GPR157: variants seen among roughly 807,000 people sequenced by gnomAD.
The protein encoded by GPR157 is G protein-coupled receptor 157.
Under a neutral mutation model 23.5 loss-of-function variants are expected in GPR157, and 16 were observed. That is an observed-to-expected ratio of 0.68 (90% CI 0.46 to 1.04). The LOEUF is 1.04. GPR157 is among the 50% of genes least tolerant of loss of function. The probability of loss-of-function intolerance (pLI) is 0.00; values close to 1 mark genes in which losing one functional copy is unlikely to be tolerated. For synonymous variants in GPR157, 200 were observed against 221.5 expected, an observed-to-expected ratio of 0.90 and a Z score of 0.86; for missense variants, 440 against 460.7, an observed-to-expected ratio of 0.96 and a Z score of 0.41.
chr1:9,125,529 C>G (rs905715513), intron 1 of GPR157, among the ~76,000 whole-genome samples: 1 of 152,194 alleles, frequency 6.6e-6, no homozygotes, highest in Non-Finnish European at 1.5e-5. Flanking sequence ...CGCAGGTGCT[C>G]TCCTGGGAAC....
chr1:9,122,346 A>C (rs991072694), intron 1 of GPR157, among the ~76,000 whole-genome samples: 8 of 152,162 alleles, frequency 5.3e-5, no homozygotes, highest in Non-Finnish European at 7.4e-5. Context: ...ACACAACCTT[A>C]AAAAAGCAAC....
rs373183983 is a variant in GPR157 at position 9,104,561 on chromosome 1, C to T, written c.866G>A (p.Arg289Gln). 1.6e-5 allele frequency: 26 copies of T among 1,613,588 alleles called. No homozygotes were observed. Among genetic ancestry groups the T allele is most frequent in the African/African-American group, 2.7e-5 (2 of 74,794 alleles). Reference protein sequence around the residue: ...FVLCTRAVRTRLFSLCCCCCS... With the variant: ...FVLCTRAVRTQLFSLCCCCCS... ...GCAGCAGCAACAGAGAGAGAAGAGC[C>T]GAGTTCGGACGGCGCGGGTGCAGAG... is the stretch of plus-strand genomic sequence containing the variant. The change falls in exon 4 of 4, where the codon CGG (arginine) becomes CAG (glutamine). Residue 289 changes from arginine (R) to glutamine (Q), a missense_variant. Physicochemically the swap from Arg to Gln is conservative, Grantham distance 43. Transcript: ENST00000377411.
At chr1:9,106,111 G>C (rs543737796) in intron 2 of GPR157, among the ~76,000 whole-genome samples, 1 of 152,198 alleles carries the variant, frequency 6.6e-6, no homozygotes, top group African/African-American at 2.4e-5. Flanking sequence ...ATGTTGCCCA[G>C]GCTGATCTCA....
chr1:9,118,429 G>C lies in GPR157; in HGVS notation c.384-6940C>G, dbSNP rs1381328827. ...AGGCCAAGCTGAGCCTGCCTGGACG[G>C]AGGAAGCCCGGGACAGCCACCTCGT... On this transcript the variant is annotated intron_variant, in intron 1 of 3. Transcript: ENST00000377411. This position sits in a 1 kb window ranked among gnomAD's most constrained non-coding sequence, Gnocchi z 4.6. Among the ~76,000 whole-genome samples the C allele has an allele frequency of 6.6e-6, 1 of 152,152 alleles. No homozygotes were observed. Among genetic ancestry groups the C allele is most frequent in the Non-Finnish European group, 1.5e-5 (1 of 68,032 alleles).
chr1:9,104,694 C>A, intron 3 of GPR157, 60 bp from the exon 4 acceptor site: 1 of 1,288,406 alleles, frequency 7.8e-7, no homozygotes. Flanking sequence ...AACACACGCG[C>A]TGTTGCAATT....
At chr1:9,107,080 A>G (rs1443666418) in intron 2 of GPR157, among the ~76,000 whole-genome samples, 1 of 152,184 alleles carries the variant, frequency 6.6e-6, no homozygotes, top group Non-Finnish European at 1.5e-5. Flanking sequence ...TCTCACCCTC[A>G]GTCCCACGAT....
chr1:9,125,135 T>A (rs1638937536), intron 1 of GPR157, among the ~76,000 whole-genome samples: 1 of 152,176 alleles, frequency 6.6e-6, no homozygotes, highest in South Asian at 2.1e-4. Flanking sequence ...CACAATACCT[T>A]ACTAGCTATG....
At chr1:9,114,040 G>T (rs1407055389) in intron 1 of GPR157, among the ~76,000 whole-genome samples, 1 of 144,478 alleles carries the variant, frequency 6.9e-6, no homozygotes, top group Admixed American at 6.9e-5. Flanking sequence ...CTCATGACAG[G>T]CCAGGCGAGG....
At chr1:9,123,638 C>T (rs886446109) in intron 1 of GPR157, among the ~76,000 whole-genome samples, 13 of 90,084 alleles carry the variant, frequency 1.4e-4, no homozygotes, top group South Asian at 1.0e-3. Flanking sequence ...TTTAAATATA[C>T]ATTAATATTA....
At chr1:9,116,799 T>C (rs1209633536) in intron 1 of GPR157, among the ~76,000 whole-genome samples, 1 of 151,640 alleles carries the variant, frequency 6.6e-6, no homozygotes, top group African/African-American at 2.4e-5. Context: ...TGGAGTGCAG[T>C]GGCATAGTCA....
intron 2 of GPR157, among the ~76,000 whole-genome samples, chr1:9,110,893 G>C (rs1487272153): frequency 6.6e-6 from 1 of 152,298 alleles, no homozygotes; most frequent in East Asian, 1.9e-4. Context: ...TCACCTTTTA[G>C]CTAAATTCCT....
At position 9,101,672 on chromosome 1, in the gene GPR157, TG is replaced by T. The variant is rs2124501995; in HGVS notation, c.*2746del. On this transcript the variant is annotated 3_prime_UTR_variant, in exon 4 of 4. Transcript: ENST00000377411. ...ACAGTGGCCAGTGGCATCAAAGAAA[TG>T]GAATGAGAACTTGAGCCCAGGCACC... The T allele has an allele frequency of 6.6e-6, 1 of 152,240 alleles. No individual in the cohort carries two copies. The highest frequency in any genetic ancestry group is 2.4e-5 in the African/African-American group (1 of 41,536). The allele number at this position is 152,240 out of a possible 1,614,324, so 9.4% of individuals were successfully genotyped here. A position where few individuals can be genotyped will look rare whatever the true frequency, so the allele number is the denominator to read the frequency against.
intron 1 of GPR157, among the ~76,000 whole-genome samples, chr1:9,116,338 A>T (rs7512030): frequency 0.16 from 1,113 of 7,008 alleles, 254 homozygotes; most frequent in East Asian, 0.54. Context: ...ATTATATATA[A>T]TTTATATATA....
At chr1:9,111,194 G>A (rs777233801) in intron 2 of GPR157, 82 bp downstream of exon 2, 9 of 1,352,418 alleles carry the variant, frequency 6.7e-6, no homozygotes, top group East Asian at 2.4e-5. Flanking sequence ...CTGTCCCCTC[G>A]GGGGGCCAAA....
chr1:9,126,121 C>G (rs555322510), intron 1 of GPR157, among the ~76,000 whole-genome samples: 34 of 152,214 alleles, frequency 2.2e-4, no homozygotes, highest in African/African-American at 7.5e-4. Context: ...CCACACCCAG[C>G]TAATTTTTGT....
chr1:9,109,778 G>A (rs552835842), intron 2 of GPR157, among the ~76,000 whole-genome samples: 2 of 152,270 alleles, frequency 1.3e-5, no homozygotes, highest in African/African-American at 2.4e-5. Context: ...GGTCTAGGGC[G>A]GGTGAGAACT....
At chr1:9,124,592 T>C (rs899161931) in intron 1 of GPR157, among the ~76,000 whole-genome samples, 8 of 152,156 alleles carry the variant, frequency 5.3e-5, no homozygotes, top group South Asian at 2.1e-4. Context: ...CCCTCACCTA[T>C]AAACACCCCA....
chr1:9,119,986 G>A lies in GPR157; in HGVS notation c.384-8497C>T, dbSNP rs142617845. On this transcript the variant is annotated intron_variant, in intron 1 of 3. Coordinates refer to ENST00000377411, the MANE Select transcript of GPR157 (RefSeq NM_024980.5). ...TCTCGGTTTCCCTGCCCTTCAGAGC[G>A]GGTCCTTGGGAGTTCCCAGCGCTGC... Among the ~76,000 whole-genome samples the A allele has an allele frequency of 7.5e-3, 1,145 of 152,284 alleles. 6 individuals carry two copies. Among genetic ancestry groups the A allele is most frequent in the Non-Finnish European group, 0.012 (848 of 68,008 alleles).
intron 2 of GPR157, among the ~76,000 whole-genome samples, chr1:9,106,326 G>C (rs1177668394): frequency 6.6e-6 from 1 of 151,050 alleles, no homozygotes; most frequent in Non-Finnish European, 1.5e-5. Flanking sequence ...ACCCCCTCCT[G>C]CTCCCCCCTA....
Sources: allele counts gnomAD v4.1 joint callset (sites outside exome capture counted in the v4.1 genomes callset), GRCh38; gene constraint gnomAD v4.1.1; non-coding constraint Gnocchi (gnomAD v3.1); transcripts MANE v1.5; gene names NCBI Gene and HGNC (gene_info 2026-07-23, HGNC 2026-07-21).